ATP7B: variants seen among roughly 807,000 people sequenced by gnomAD.
The protein encoded by ATP7B is copper-transporting ATPase 2.
Under a neutral mutation model 118.9 loss-of-function variants are expected in ATP7B, and 113 were observed. The ratio of observed to expected loss-of-function variants is 0.95; its 90% CI spans 0.82 to 1.11. The LOEUF is 1.11. ATP7B is among the 50% of genes most tolerant of loss of function. The pLI, the probability that ATP7B is intolerant of heterozygous loss-of-function variation, is 0.00. For synonymous variants in ATP7B, 777 were observed against 727.4 expected (o/e 1.07, Z -1.10); for missense variants, 1,867 against 1,871.4 (o/e 1.00, Z 0.04).
rs1463789475 is a variant in ATP7B, at chr13:51,933,415, T to G, written c.*1341A>C. 6.6e-6 allele frequency: 1 copy of G among 152,192 alleles called. No individual in the cohort carries two copies. Among genetic ancestry groups the G allele is most frequent in the South Asian group, 2.1e-4 (1 of 4,830 alleles). 9.4% of individuals were successfully genotyped at this position (152,192 alleles called of 1,614,324 possible). On this transcript the variant is annotated 3_prime_UTR_variant, in exon 21 of 21. Coordinates refer to ENST00000242839, the MANE Select transcript of ATP7B (RefSeq NM_000053.4). Reference sequence around the variant, plus strand: ...TGCTAAAACTGCCCCTGGCAAGTAATGGACAATGAAAAAAATCACTAAAAC... The same window carrying G: ...TGCTAAAACTGCCCCTGGCAAGTAAGGGACAATGAAAAAAATCACTAAAAC...
Position 51,965,024 on chromosome 13 carries a change from TC to T in ATP7B, c.1716del (p.Met573Ter), listed in dbSNP as rs1057516893. The T allele has an allele frequency of 6.2e-7, 1 of 1,614,060 alleles. No homozygotes were observed. The highest frequency in any genetic ancestry group is 1.1e-5 in the South Asian group (1 of 91,078). On this transcript the variant is annotated frameshift_variant, in exon 5 of 21. Coordinates refer to ENST00000242839, the MANE Select transcript of ATP7B (RefSeq NM_000053.4). LOFTEE classifies it high-confidence loss of function. ...TTGTGGACACAGGACGCGCAGGTCA[TC>T]CCTGTGATCTGCAACACAGGATGGC... Reference protein sequence around the residue: ...SDGNIELTITGMTCASCVHNI... With the variant: ...SDGNIELTITXMTCASCVHNI...
intron 1 of ATP7B, among the ~76,000 whole-genome samples, chr13:52,002,220 CT>C (rs1262650456): frequency 6.6e-6 from 1 of 151,944 alleles, no homozygotes; most frequent in Non-Finnish European, 1.5e-5. Flanking sequence ...GCAAAAACAA[CT>C]TACAAATGTG....
chr13:51,933,729 A>G lies in ATP7B; in HGVS notation c.*1027T>C, dbSNP rs2138336702. 6.6e-6 allele frequency: 1 copy of G among 152,388 alleles called. No individual in the cohort carries two copies. Among genetic ancestry groups the G allele is most frequent in the South Asian group, 2.1e-4 (1 of 4,822 alleles). 9.4% of individuals were successfully genotyped at this position (152,388 alleles called of 1,614,324 possible). A position where few individuals can be genotyped will look rare whatever the true frequency, so the allele number is the denominator to read the frequency against. On this transcript the variant is annotated 3_prime_UTR_variant, in exon 21 of 21. Transcript: ENST00000242839. ...CCACACAAGGCCAGGCGCTAGTCAC[A>G]TGAATTCTCTACTGAACCCCACGAG...
chr13:51,950,454 G>A, intron 9 of ATP7B, 55 bp from the exon 10 acceptor site: 1 of 1,610,418 alleles, frequency 6.2e-7, no homozygotes, highest in Non-Finnish European at 8.5e-7. Context: ...CACCGGGTCA[G>A]GTTCTAGGCC....
rs1593873074 is a variant in ATP7B, at chr13:52,003,622, C to CTGGTAAAA, written c.51+7657_51+7664dup. Among the ~76,000 whole-genome samples, 3 of 118,476 alleles carry CTGGTAAAA rather than the reference C, an allele frequency of 2.5e-5. No individual in the cohort carries two copies. The East Asian group carries it at 7.8e-4, about 31-fold the overall frequency. 77.7% of individuals were successfully genotyped at this position (118,476 alleles called of 152,430 possible). On this transcript the variant is annotated intron_variant, in intron 1 of 20. Coordinates refer to ENST00000242839, the MANE Select transcript of ATP7B (RefSeq NM_000053.4). Reference sequence around the variant, plus strand: ...GTGCAGGGTTGCCACAAACCTTCAACTGGTAAAAAAAAAAAATACAGCATC... The same window carrying CTGGTAAAA: ...GTGCAGGGTTGCCACAAACCTTCAACTGGTAAAATGGTAAAAAAAAAAAATACAGCATC...
In ATP7B at chr13:51,950,374, C is replaced by G; in HGVS notation, c.2473G>C (p.Val825Leu). 6.2e-7 allele frequency: 1 copy of G among 1,614,180 alleles called. No homozygotes were observed. Residue 825 changes from valine (V) to leucine (L), a missense_variant, in exon 10 of 21, where the codon GTG becomes CTG. Transcript: ENST00000242839. ...ACCTTGACGATATCGCCCCGCTGCA[C>G]CAGCTCCATGGGGACTTGCTCCTCC... is the stretch of plus-strand genomic sequence containing the variant. ...IREEQVPMEL[V>L]QRGDIVKVVP...
chr13:51,955,251 T>C (rs949003809), intron 9 of ATP7B, among the ~76,000 whole-genome samples: 12 of 152,114 alleles, frequency 7.9e-5, no homozygotes, highest in African/African-American at 2.9e-4. Context: ...GAAACCAGTG[T>C]CCAGTGCACC....
rs372435824 is a variant in ATP7B, at chr13:51,934,883, T to C, written c.4271A>G (p.Tyr1424Cys). ...PRATPWDQVS[Y>C]VSQVSLSSLT... Reference sequence around the variant, plus strand: ...GGAGGACAGCGACACCTGGCTGACATAGCTGACCTGGTCCCATGGTGTGGC... The same window carrying C: ...GGAGGACAGCGACACCTGGCTGACACAGCTGACCTGGTCCCATGGTGTGGC... The change falls in exon 21 of 21, where the codon TAT becomes TGT. Residue 1424 changes from tyrosine to cysteine, a missense_variant. Tyr to Cys is a radical substitution (Grantham distance 194). Coordinates refer to ENST00000242839, the MANE Select transcript of ATP7B (RefSeq NM_000053.4). 43 of 1,614,082 alleles carry C rather than the reference T, an allele frequency of 2.7e-5. No homozygotes were observed. The highest frequency in any genetic ancestry group is 1.6e-4 in the African/African-American group (12 of 74,940).
At position 51,958,597 on chromosome 13, in the gene ATP7B, G is replaced by A; in HGVS notation, c.2122-53C>T. The A allele has an allele frequency of 5.9e-6, 9 of 1,525,060 alleles. No individual in the cohort carries two copies. In the South Asian group the frequency reaches 9.0e-5, roughly 15 times the overall value. The allele number at this position is 1,525,060 out of a possible 1,614,324, so 94.5% of individuals were successfully genotyped here. A position where few individuals can be genotyped will look rare whatever the true frequency, so the allele number is the denominator to read the frequency against. On this transcript the variant is annotated intron_variant, in intron 7 of 20. Coordinates refer to ENST00000242839, the MANE Select transcript of ATP7B (RefSeq NM_000053.4). Reference sequence around the variant, plus strand: ...CAGCAAGTAGGGAGGAGAGTTCAATGAGCGACACAGGGCCAAGGGCCCTGG... The same window carrying A: ...CAGCAAGTAGGGAGGAGAGTTCAATAAGCGACACAGGGCCAAGGGCCCTGG...
Position 51,962,038 on chromosome 13 carries a change from T to C in ATP7B, c.1870-125A>G, listed in dbSNP as rs1381457527. 12 of 765,696 alleles carry C rather than the reference T, an allele frequency of 1.6e-5. No homozygotes were observed. In the East Asian group the frequency reaches 3.2e-4, roughly 21 times the overall value. The allele number at this position is 765,696 out of a possible 1,614,324, so 47.4% of individuals were successfully genotyped here. On this transcript the variant is annotated intron_variant, in intron 5 of 20. Coordinates refer to ENST00000242839, the MANE Select transcript of ATP7B (RefSeq NM_000053.4). The stretch of plus-strand genomic sequence containing the variant: ...GAATCTAAAAGTGCCTCAGTAGACT[T>C]TGTGGGTTTTCTGCTTACAACTTCT...
At chr13:51,986,822 T>C (rs1952671329) in intron 1 of ATP7B, among the ~76,000 whole-genome samples, 1 of 152,262 alleles carries the variant, frequency 6.6e-6, no homozygotes, top group African/African-American at 2.4e-5. Flanking sequence ...AAAAACCACA[T>C]GATTATCTCA....
rs200911496 is a variant in ATP7B at position 51,939,062 on chromosome 13, T to G, written c.3688A>C (p.Ile1230Leu). ...TGDNRKTARA[I>L]ATQVGINKVF... ...TTAAAGGGCTGTACCTGGGTGGCAA[T>G]AGCTCTGGCTGTCTTCCGGTTGTCC... The change falls in exon 17 of 21, where the codon ATT (isoleucine) becomes CTT (leucine). Residue 1230 changes from isoleucine to leucine, a missense_variant. By Grantham distance (5) the Ile-to-Leu change is conservative. Transcript: ENST00000242839. 1 of 1,614,256 alleles carries G rather than the reference T, an allele frequency of 6.2e-7. No individual in the cohort carries two copies. The highest frequency in any genetic ancestry group is 1.7e-5 in the Admixed American group (1 of 60,036).
intron 14 of ATP7B, 144 bp from the exon 15 acceptor site, chr13:51,942,698 G>C: frequency 3.2e-6 from 3 of 946,756 alleles, no homozygotes; most frequent in Non-Finnish European, 4.9e-6. Context: ...GGGGAGGGAG[G>C]TGGAACAGAT....
At chr13:51,998,815 G>A (rs1002123596) in intron 1 of ATP7B, among the ~76,000 whole-genome samples, 1 of 152,162 alleles carries the variant, frequency 6.6e-6, no homozygotes, top group African/African-American at 2.4e-5. Context: ...CAGGACAAAG[G>A]GCTCTTTGGA....
chr13:51,996,054 CT>C (rs562673816), intron 1 of ATP7B, among the ~76,000 whole-genome samples: 45 of 152,318 alleles, frequency 3.0e-4, no homozygotes, highest in African/African-American at 1.0e-3. Context: ...CTTCAGCTGC[CT>C]CTTCCACAGC....
At position 51,970,594 on chromosome 13, in the gene ATP7B, A is replaced by G. The variant is rs769215829; in HGVS notation, c.1441T>C (p.Ser481Pro). 7 of 1,613,876 alleles carry G rather than the reference A, an allele frequency of 4.3e-6. No individual in the cohort carries two copies. The Admixed American group carries it at 1.0e-4, about 23-fold the overall frequency. ...TTCTGCGGTGCCACTGCTCTGGTTG[A>G]TTGTGGGGACTTTGCCAAGATGTCC... ...APDILAKSPQ[S>P]TRAVAPQKCF... The change falls in exon 3 of 21, where the codon TCA becomes CCA. Residue 481 changes from serine (S) to proline (P), a missense_variant. Transcript: ENST00000242839.
chr13:51,950,372 C>T lies in ATP7B; in HGVS notation c.2475G>A (p.Val825=), dbSNP rs373528664. 3.3e-5 allele frequency: 54 copies of T among 1,614,178 alleles called. 1 individual carries two copies. The African/African-American group carries it at 6.4e-4, about 19-fold the overall frequency. ...IREEQVPMEL[V]QRGDIVKVVP... ...CCACCTTGACGATATCGCCCCGCTG[C>T]ACCAGCTCCATGGGGACTTGCTCCT... Residue 825 remains valine, a synonymous_variant, in exon 10 of 21, where the codon GTG becomes GTA. Coordinates refer to ENST00000242839, the MANE Select transcript of ATP7B (RefSeq NM_000053.4).
intron 1 of ATP7B, among the ~76,000 whole-genome samples, chr13:51,991,752 G>A (rs1952926431): frequency 6.6e-6 from 1 of 152,166 alleles, no homozygotes; most frequent in Non-Finnish European, 1.5e-5. Context: ...GGCCTGAAAG[G>A]TTGTCTGTGG....
chr13:51,944,088 G>T (rs764607484), intron 14 of ATP7B, 21 bp downstream of exon 14: 1 of 1,613,864 alleles, frequency 6.2e-7, no homozygotes, highest in South Asian at 1.1e-5. Flanking sequence ...GGAGGGCAGG[G>T]CCACGCCCAA....
Sources: gnomAD v4.1 joint callset for allele counts (sites outside exome capture counted in the v4.1 genomes callset) on GRCh38, gnomAD v4.1.1 for gene constraint, MANE v1.5 for transcripts, NCBI Gene and HGNC (gene_info 2026-07-23, HGNC 2026-07-21) for gene names.